The following ATP8A2 variants were observed in gnomAD, a reference collection of about 807,000 sequenced individuals.
The protein encoded by ATP8A2 is phospholipid-transporting ATPase IB.
Under a neutral mutation model 165.6 loss-of-function variants are expected in ATP8A2, and 100 were observed. That is an observed-to-expected ratio of 0.60 (90% CI 0.51 to 0.71). ATP8A2 has a LOEUF of 0.71. Ranked by LOEUF, ATP8A2 falls within the 30% of genes least tolerant of loss-of-function variation. The probability of loss-of-function intolerance (pLI) is 0.00; values close to 1 mark genes in which losing one functional copy is unlikely to be tolerated. For synonymous variants in ATP8A2, 543 were observed against 548.8 expected, an observed-to-expected ratio of 0.99 and a Z score of 0.15; for missense variants, 1,227 against 1,479.5, an observed-to-expected ratio of 0.83 and a Z score of 2.80.
chr13:25,552,231 C>T (rs2138060736), intron 11 of ATP8A2, among the ~76,000 whole-genome samples: 1 of 152,262 alleles, frequency 6.6e-6, no homozygotes, highest in East Asian at 1.9e-4. Context: ...AGGCAATCTA[C>T]CCGCCTCGGC....
At chr13:25,450,531 T>A (rs1428501601) in intron 1 of ATP8A2, among the ~76,000 whole-genome samples, 3 of 54,230 alleles carry the variant, frequency 5.5e-5, no homozygotes, top group African/African-American at 1.3e-4. Context: ...CTGGTCTTTG[T>A]GTGTGTGTGT....
intron 27 of ATP8A2, among the ~76,000 whole-genome samples, chr13:25,815,700 A>G (rs1950999013): frequency 6.6e-6 from 1 of 152,202 alleles, no homozygotes; most frequent in Non-Finnish European, 1.5e-5. Context: ...TATCCCAGAG[A>G]ATTGAAAGCA....
intron 25 of ATP8A2, among the ~76,000 whole-genome samples, chr13:25,707,340 A>G (rs975663901): frequency 6.6e-6 from 1 of 152,242 alleles, no homozygotes; most frequent in Non-Finnish European, 1.5e-5. Context: ...GAATTACTCT[A>G]TAAGATCAAT....
At chr13:25,510,579 T>C (rs138640456) in intron 2 of ATP8A2, among the ~76,000 whole-genome samples, 123 of 152,360 alleles carry the variant, frequency 8.1e-4, no homozygotes, top group Non-Finnish European at 1.6e-3. Context: ...AGTGCTGTAC[T>C]CATGTTTGTT....
At position 25,640,156 on chromosome 13, in the gene ATP8A2, G is replaced by T. The variant is rs1442168762; in HGVS notation, c.2211+50457G>T. Among the ~76,000 whole-genome samples, 3 of 152,160 alleles carry T rather than the reference G, an allele frequency of 2.0e-5. No homozygotes were observed. The East Asian group carries it at 5.8e-4, about 29-fold the overall frequency. Reference sequence around the variant, plus strand: ...AATGCCCACAAGAGAAAGCAGGAAAGATCTAAAATTGACACCCTAACATCA... The same window carrying T: ...AATGCCCACAAGAGAAAGCAGGAAATATCTAAAATTGACACCCTAACATCA... On this transcript the variant is annotated intron_variant, in intron 24 of 36. Coordinates refer to ENST00000381655, the MANE Select transcript of ATP8A2 (RefSeq NM_016529.6).
At chr13:25,595,424 G>A (rs2040211030) in intron 24 of ATP8A2, among the ~76,000 whole-genome samples, 1 of 152,194 alleles carries the variant, frequency 6.6e-6, no homozygotes, top group African/African-American at 2.4e-5. Flanking sequence ...GATGGGTGTG[G>A]CCATAAGATT....
intron 25 of ATP8A2, among the ~76,000 whole-genome samples, chr13:25,767,279 G>A (rs185365784): frequency 4.6e-5 from 7 of 152,282 alleles, no homozygotes; most frequent in Non-Finnish European, 8.8e-5. Flanking sequence ...GTTGACTAGA[G>A]GCTTCATTGA....
At chr13:25,986,016 A>G (rs756711033) in intron 35 of ATP8A2, among the ~76,000 whole-genome samples, 1 of 152,206 alleles carries the variant, frequency 6.6e-6, no homozygotes, top group Admixed American at 6.5e-5. Flanking sequence ...TTTTGCATTC[A>G]GTTTTTGGAG....
At chr13:25,448,711 A>G (rs1227555827) in intron 1 of ATP8A2, among the ~76,000 whole-genome samples, 1 of 152,170 alleles carries the variant, frequency 6.6e-6, no homozygotes, top group Non-Finnish European at 1.5e-5. Context: ...GTGCAGTGGC[A>G]TGATCTTGGC....
chr13:25,929,927 G>T (rs1003899022), intron 33 of ATP8A2, among the ~76,000 whole-genome samples: 1 of 152,032 alleles, frequency 6.6e-6, no homozygotes, highest in African/African-American at 2.4e-5. Flanking sequence ...TGAACTTCCC[G>T]AACGTGAACT....
intron 33 of ATP8A2, among the ~76,000 whole-genome samples, chr13:25,938,598 C>T (rs867917249): frequency 3.4e-4 from 52 of 152,206 alleles, no homozygotes; most frequent in Middle Eastern, 6.8e-3. Flanking sequence ...TAACAGGACA[C>T]GGAATGGATC....
intron 27 of ATP8A2, among the ~76,000 whole-genome samples, chr13:25,795,790 T>G (rs1467872860): frequency 6.6e-6 from 1 of 152,202 alleles, no homozygotes; most frequent in Admixed American, 6.5e-5. Flanking sequence ...TTAAGAATAC[T>G]CTAGAATTTT....
chr13:25,450,666 G>T (rs981421526), intron 1 of ATP8A2, among the ~76,000 whole-genome samples: 1 of 151,980 alleles, frequency 6.6e-6, no homozygotes, highest in African/African-American at 2.4e-5. Context: ...CGAGTAGCTG[G>T]GACTACAGGC....
chr13:25,872,274 T>C (rs917282968), intron 33 of ATP8A2, among the ~76,000 whole-genome samples: 4 of 152,126 alleles, frequency 2.6e-5, no homozygotes, highest in African/African-American at 7.2e-5. Flanking sequence ...GCTCTTTTGC[T>C]GCTGGGTCTC....
In ATP8A2 at chr13:25,798,089, G is replaced by A. The variant is rs577137379; in HGVS notation, c.2679+23130G>A. On this transcript the variant is annotated intron_variant, in intron 27 of 36. Coordinates refer to ENST00000381655, the MANE Select transcript of ATP8A2 (RefSeq NM_016529.6). ...CCTTAACTCCCATGTTATTTTCCCT[G>A]TTTAATTTTGCAGAGGCTATGACTT... 9.9e-5 allele frequency among the ~76,000 whole-genome samples: 15 copies of A among 151,820 alleles called. No homozygotes were observed. The South Asian group carries it at 3.1e-3, about 32-fold the overall frequency.
chr13:25,942,410 T>C (rs988646438), intron 33 of ATP8A2, among the ~76,000 whole-genome samples: 1 of 152,216 alleles, frequency 6.6e-6, no homozygotes, highest in African/African-American at 2.4e-5. Flanking sequence ...ATTGTTAATG[T>C]AGGCAAGCTT....
At chr13:25,925,382 A>G (rs1954571470) in intron 33 of ATP8A2, among the ~76,000 whole-genome samples, 1 of 151,988 alleles carries the variant, frequency 6.6e-6, no homozygotes. Context: ...AAAATACAAA[A>G]AAGTAGCCGG....
At position 25,789,563 on chromosome 13, in the gene ATP8A2, G is replaced by A. The variant is rs537150527; in HGVS notation, c.2679+14604G>A. Among the ~76,000 whole-genome samples, 34 of 152,112 alleles carry A rather than the reference G, an allele frequency of 2.2e-4. No individual in the cohort carries two copies. In the South Asian group the frequency reaches 2.3e-3, roughly 10 times the overall value. ...GCCTCTACAGTGAGAAATACAAAAC[G>A]CTGCTCAAAAAAATCAGAGATGACA... On this transcript the variant is annotated intron_variant, in intron 27 of 36. Coordinates refer to ENST00000381655, the MANE Select transcript of ATP8A2 (RefSeq NM_016529.6).
At chr13:25,562,206 C>T (rs2039177908) in intron 15 of ATP8A2, among the ~76,000 whole-genome samples, 1 of 152,116 alleles carries the variant, frequency 6.6e-6, no homozygotes, top group African/African-American at 2.4e-5. Context: ...TGCTATTTTC[C>T]ATAGCAGAGC....
Sources: allele counts gnomAD v4.1 joint callset (sites outside exome capture counted in the v4.1 genomes callset), GRCh38; gene constraint gnomAD v4.1.1; transcripts MANE v1.5; gene names NCBI Gene and HGNC (gene_info 2026-07-23, HGNC 2026-07-21).